Variants in EPHB2 observed in about 807,000 individuals in gnomAD.
EPHB2 encodes EPH receptor B2, also known as ephrin type-B receptor 2.
Under a neutral mutation model 96.4 loss-of-function variants are expected in EPHB2, and 18 were observed. That is an observed-to-expected ratio of 0.19 (90% CI 0.13 to 0.28). The LOEUF (loss-of-function observed/expected upper bound fraction) is 0.28, where lower values mean the gene tolerates loss of function less well. Ranked by LOEUF, EPHB2 falls within the 10% of genes least tolerant of loss-of-function variation. The pLI is 1.00. For missense variants in EPHB2, 989 were observed against 1,355.4 expected, an observed-to-expected ratio of 0.73 and a Z score of 4.25; for synonymous variants, 506 against 534.1, an observed-to-expected ratio of 0.95 and a Z score of 0.72.
At chr1:22,802,019 G>A (rs1644850972) in intron 3 of EPHB2, among the ~76,000 whole-genome samples, 1 of 152,188 alleles carries the variant, frequency 6.6e-6, no homozygotes, top group African/African-American at 2.4e-5. Flanking sequence ...TGGGCCCTGC[G>A]CAGGGCTTTG....
At chr1:22,824,028 G>A (rs1273173585) in intron 3 of EPHB2, among the ~76,000 whole-genome samples, 2 of 152,208 alleles carry the variant, frequency 1.3e-5, no homozygotes, top group Non-Finnish European at 2.9e-5. Flanking sequence ...TTGATGGATG[G>A]GTGGAGAGAG....
intron 3 of EPHB2, among the ~76,000 whole-genome samples, chr1:22,823,477 C>T (rs1455674015): frequency 6.6e-6 from 1 of 152,098 alleles, no homozygotes; most frequent in South Asian, 2.1e-4. Flanking sequence ...CAAAATGCTT[C>T]CTGTGTGTAT....
At chr1:22,819,401 G>A (rs766108169) in intron 3 of EPHB2, among the ~76,000 whole-genome samples, 18 of 152,038 alleles carry the variant, frequency 1.2e-4, no homozygotes, top group Non-Finnish European at 1.9e-4. Context: ...ATGGAATTCC[G>A]GATCCAGGTC....
rs190063349 is a variant in EPHB2, at chr1:22,771,192, A to G, written c.62-10229A>G. On this transcript the variant is annotated intron_variant, in intron 1 of 15. Transcript: ENST00000374630. ...TGAACCAGACTTGGCCCTGCCTACA[A>G]GGCACTTAGAGTCCAGTTGAGGGAC... Among the ~76,000 whole-genome samples the G allele has an allele frequency of 3.4e-3, 521 of 152,276 alleles. 2 individuals are homozygous for G. The highest frequency in any genetic ancestry group is 6.1e-3 in the Non-Finnish European group (414 of 68,028).
At chr1:22,781,102 C>A (rs1045418086) in intron 1 of EPHB2, among the ~76,000 whole-genome samples, 7 of 151,758 alleles carry the variant, frequency 4.6e-5, no homozygotes. Flanking sequence ...GGGCGGATCA[C>A]GAGGTCAGGA....
intron 5 of EPHB2, among the ~76,000 whole-genome samples, chr1:22,870,048 A>G (rs1044680502): frequency 6.6e-6 from 1 of 152,152 alleles, no homozygotes; most frequent in Non-Finnish European, 1.5e-5. Context: ...GCTGGGAAAC[A>G]AGGCTGGGGA....
intron 1 of EPHB2, among the ~76,000 whole-genome samples, chr1:22,729,702 C>T (rs1472220392): frequency 6.6e-6 from 1 of 152,228 alleles, no homozygotes; most frequent in Non-Finnish European, 1.5e-5. Flanking sequence ...AGCATAGCTC[C>T]ATGGGCCAAT....
rs112082639 is a variant in EPHB2 at position 22,722,142 on chromosome 1, C to T, written c.61+11099C>T. Among the ~76,000 whole-genome samples the T allele has an allele frequency of 3.9e-3, 573 of 148,632 alleles. 4 individuals carry two copies. The highest frequency in any genetic ancestry group is 0.013 in the African/African-American group (528 of 40,792). ...TTTGTATTTTGAGTAAAGACAGGCA[C>T]CTACCACCATGCCCAGCATTTTTTT... is the stretch of plus-strand genomic sequence containing the variant. On this transcript the variant is annotated intron_variant, in intron 1 of 15. Coordinates refer to ENST00000374630, the MANE Select transcript of EPHB2 (RefSeq NM_017449.5).
At chr1:22,863,259 G>C (rs755653550) in intron 4 of EPHB2, 67 bp downstream of exon 4, 106 of 1,610,386 alleles carry the variant, frequency 6.6e-5, no homozygotes, top group Non-Finnish European at 8.3e-5. Context: ...GAAAAGCTCA[G>C]AGTGAGGATT....
chr1:22,772,982 T>G (rs1369343176), intron 1 of EPHB2, among the ~76,000 whole-genome samples: 2 of 152,210 alleles, frequency 1.3e-5, no homozygotes, highest in Non-Finnish European at 2.9e-5. Flanking sequence ...TTGATCTCTC[T>G]GAGCCTTGGT....
At position 22,785,166 on chromosome 1, in the gene EPHB2, G is replaced by A. The variant is rs1644593398; in HGVS notation, c.811+90G>A. The A allele has an allele frequency of 9.8e-6, 15 of 1,524,154 alleles. No homozygotes were observed. The South Asian group carries it at 1.5e-4, about 15-fold the overall frequency. The allele number at this position is 1,524,154 out of a possible 1,614,324, so 94.4% of individuals were successfully genotyped here. A position where few individuals can be genotyped will look rare whatever the true frequency, so the allele number is the denominator to read the frequency against. ...GGCTGCAGACTTGGGCCTGGCCTCT[G>A]AAGCTTAGAGCTGACCATGAGGCAC... On this transcript the variant is annotated intron_variant, in intron 3 of 15. Transcript: ENST00000374630.
chr1:22,870,343 G>C (rs1307526962), intron 5 of EPHB2, among the ~76,000 whole-genome samples: 1 of 152,124 alleles, frequency 6.6e-6, no homozygotes, highest in African/African-American at 2.4e-5. Flanking sequence ...GGCTGGGCTT[G>C]AGGGATAAGG....
At chr1:22,748,774 T>G (rs1644015431) in intron 1 of EPHB2, among the ~76,000 whole-genome samples, 1 of 149,430 alleles carries the variant, frequency 6.7e-6, no homozygotes, top group Non-Finnish European at 1.5e-5. Context: ...TAAAATAAAT[T>G]ATATAATTTA....
intron 3 of EPHB2, among the ~76,000 whole-genome samples, chr1:22,856,553 C>A (rs1252040399): frequency 6.6e-6 from 1 of 152,196 alleles, no homozygotes; most frequent in Non-Finnish European, 1.5e-5. Context: ...TGACACTCAC[C>A]ACTCACTAAT....
chr1:22,842,045 C>G (rs1227536845), intron 3 of EPHB2, among the ~76,000 whole-genome samples: 2 of 152,212 alleles, frequency 1.3e-5, no homozygotes, highest in East Asian at 3.9e-4. Context: ...GAGCCACATG[C>G]CTGGGGTTGG....
intron 9 of EPHB2, among the ~76,000 whole-genome samples, chr1:22,901,820 A>AGTGTGTGTAT (rs1553176897): frequency 4.7e-5 from 7 of 148,458 alleles, no homozygotes; most frequent in Non-Finnish European, 1.0e-4. Context: ...TGTGTGTGTG[A>AGTGTGTGTAT]GTGTGTGTGT....
At chr1:22,844,682 C>T (rs1645515847) in intron 3 of EPHB2, among the ~76,000 whole-genome samples, 3 of 152,206 alleles carry the variant, frequency 2.0e-5, no homozygotes, top group African/African-American at 7.2e-5. Flanking sequence ...AGAGCACACA[C>T]TGCTAACCAC....
chr1:22,799,965 A>G (rs1384825398), intron 3 of EPHB2, among the ~76,000 whole-genome samples: 1 of 152,162 alleles, frequency 6.6e-6, no homozygotes, highest in Non-Finnish European at 1.5e-5. Context: ...GATTAGCAAC[A>G]TTTTAAAGAC....
chr1:22,751,807 C>T (rs1377699573), intron 1 of EPHB2, among the ~76,000 whole-genome samples: 4 of 152,190 alleles, frequency 2.6e-5, no homozygotes, highest in East Asian at 1.9e-4. Context: ...GGAGTTGCCT[C>T]GCTGCAGGGC....
Sources: gnomAD v4.1 joint callset for allele counts (sites outside exome capture counted in the v4.1 genomes callset) on GRCh38, gnomAD v4.1.1 for gene constraint, MANE v1.5 for transcripts, NCBI Gene and HGNC (gene_info 2026-07-23, HGNC 2026-07-21) for gene names.